The following POLA1 variants were observed in gnomAD, a reference collection of about 807,000 sequenced individuals.
POLA1 encodes DNA polymerase alpha 1, catalytic subunit.
POLA1 carries 15 observed loss-of-function variants against 124.0 expected under a neutral mutation model. The ratio of observed to expected loss-of-function variants is 0.12; its 90% CI spans 0.08 to 0.19. POLA1 has a LOEUF of 0.19. Among genes scored for constraint, POLA1 ranks in the 10% least tolerant of loss-of-function variants. The pLI, the probability that POLA1 is intolerant of heterozygous loss-of-function variation, is 1.00. For synonymous variants in POLA1, 408 were observed against 389.4 expected (o/e 1.05, Z -0.56); for missense variants, 886 against 1,103.4 (o/e 0.80, Z 2.79).
chrX:24,845,798 A>C (rs1213390214), intron 34 of POLA1, among the ~76,000 whole-genome samples: 1 of 112,317 alleles, frequency 8.9e-6, no homozygotes, highest in African/African-American at 3.2e-5. Context: ...AACTTAAAAA[A>C]TACTACCCAC....
rs762888939 is a variant in POLA1, at chrX:24,694,843, C to T, written c.43+839C>T. Among the ~76,000 whole-genome samples the T allele has an allele frequency of 3.6e-5, 4 of 112,358 alleles. No individual in the cohort carries two copies. In the East Asian group the frequency reaches 1.1e-3, roughly 31 times the overall value. Reference sequence around the variant, plus strand: ...AGATACATCACCATTAATGAGAACTCGCTTCCTAATCAGCTTCCTTTGCAT... The same window carrying T: ...AGATACATCACCATTAATGAGAACTTGCTTCCTAATCAGCTTCCTTTGCAT... On this transcript the variant is annotated intron_variant, in intron 1 of 36. Coordinates refer to ENST00000379068, the MANE Select transcript of POLA1 (RefSeq NM_001330360.2).
chrX:24,731,628 G>A, intron 15 of POLA1, among the ~76,000 whole-genome samples: 1 of 111,296 alleles, frequency 9.0e-6, no homozygotes, highest in East Asian at 2.8e-4. Context: ...GGGGGTCTGG[G>A]AATGGTAATA....
At chrX:24,840,720 GATTTCC>G (rs1418928198) in intron 32 of POLA1, among the ~76,000 whole-genome samples, 2 of 111,979 alleles carry the variant, frequency 1.8e-5, no homozygotes, top group African/African-American at 3.2e-5. Flanking sequence ...TTTTCTCTTA[GATTTCC>G]AAAAGCTTTT....
At chrX:24,732,662 T>C (rs184643924) in intron 16 of POLA1, among the ~76,000 whole-genome samples, 6 of 101,478 alleles carry the variant, frequency 5.9e-5, no homozygotes, top group South Asian at 9.6e-4. Flanking sequence ...ATTCAGCTGG[T>C]TCATTTTTTT....
intron 11 of POLA1, among the ~76,000 whole-genome samples, chrX:24,724,100 T>C (rs1930383268): frequency 8.9e-6 from 1 of 112,802 alleles, no homozygotes; most frequent in Non-Finnish European, 1.9e-5. Context: ...TTTTGTAGAC[T>C]TGATCATCTT....
Position 24,962,156 on chromosome X carries a change from G to T in POLA1, c.4261+31607G>T, listed in dbSNP as rs1410168998. 4.5e-5 allele frequency among the ~76,000 whole-genome samples: 5 copies of T among 111,404 alleles called. No homozygotes were observed. The Admixed American group carries it at 4.8e-4, about 11-fold the overall frequency. ...ATTACCATTTCACAAAGAGGAAAAG[G>T]AAATGTTAAAGAGGATAGGTGATGT... On this transcript the variant is annotated intron_variant, in intron 36 of 36. Coordinates refer to ENST00000379068, the MANE Select transcript of POLA1 (RefSeq NM_001330360.2).
At chrX:24,902,145 G>A (rs1226268468) in intron 35 of POLA1, among the ~76,000 whole-genome samples, 1 of 112,084 alleles carries the variant, frequency 8.9e-6, no homozygotes, top group Non-Finnish European at 1.9e-5. Flanking sequence ...GTGGTGGGAA[G>A]TAATTAACAA....
At chrX:24,726,371 T>C (rs1348111012) in intron 13 of POLA1, among the ~76,000 whole-genome samples, 4 of 112,031 alleles carry the variant, frequency 3.6e-5, no homozygotes, top group Admixed American at 9.5e-5. Flanking sequence ...GTGTCCCTTA[T>C]GAGCAGTGGA....
Position 24,968,101 on chromosome X carries a change from C to T in POLA1, c.4262-27704C>T, listed in dbSNP as rs1237433851. On this transcript the variant is annotated intron_variant, in intron 36 of 36. Coordinates refer to ENST00000379068, the MANE Select transcript of POLA1 (RefSeq NM_001330360.2). ...CAAAAATCTAACTATTCAGAAAGTA[C>T]CAACTAGAAATTTTCAGTGTACCAT... is the stretch of plus-strand genomic sequence containing the variant. 4.5e-5 allele frequency among the ~76,000 whole-genome samples: 5 copies of T among 111,725 alleles called. No individual in the cohort carries two copies. In the Admixed American group the frequency reaches 4.7e-4, roughly 11 times the overall value.
intron 35 of POLA1, among the ~76,000 whole-genome samples, chrX:24,917,044 C>T (rs1487228256): frequency 1.8e-5 from 2 of 112,025 alleles, no homozygotes; most frequent in Non-Finnish European, 3.8e-5. Context: ...TGGCTCACGC[C>T]TATAATCCCA....
chrX:24,828,391 T>C (rs767776677), intron 32 of POLA1, among the ~76,000 whole-genome samples: 25 of 112,178 alleles, frequency 2.2e-4, no homozygotes, highest in African/African-American at 7.1e-4. Flanking sequence ...TAGCCGGCTG[T>C]GATTCCAAAG....
chrX:24,941,399 G>T (rs1301047506), intron 36 of POLA1, among the ~76,000 whole-genome samples: 1 of 111,408 alleles, frequency 9.0e-6, no homozygotes, highest in Non-Finnish European at 1.9e-5. Context: ...ATGTGAATTG[G>T]CATATGTCAT....
chrX:24,750,513 A>G (rs1314253241), intron 26 of POLA1, among the ~76,000 whole-genome samples: 1 of 112,547 alleles, frequency 8.9e-6, no homozygotes, highest in Non-Finnish European at 1.9e-5. Context: ...AATAAACGTC[A>G]GGATGTTCAG....
intron 35 of POLA1, among the ~76,000 whole-genome samples, chrX:24,907,126 G>A (rs1224368615): frequency 9.0e-6 from 1 of 111,224 alleles, no homozygotes; most frequent in Non-Finnish European, 1.9e-5. Context: ...AGGAGTCGGC[G>A]GTTGCAGTGA....
At chrX:24,838,218 G>A (rs1434407364) in intron 32 of POLA1, among the ~76,000 whole-genome samples, 1 of 111,534 alleles carries the variant, frequency 9.0e-6, no homozygotes, top group Non-Finnish European at 1.9e-5. Context: ...AAACATGAGA[G>A]TTTTGATCCT....
At chrX:24,861,696 G>C (rs1423923958) in intron 34 of POLA1, among the ~76,000 whole-genome samples, 1 of 111,980 alleles carries the variant, frequency 8.9e-6, no homozygotes, top group African/African-American at 3.2e-5. Context: ...GTATATTTCA[G>C]AAATTTAGGG....
intron 32 of POLA1, among the ~76,000 whole-genome samples, chrX:24,832,751 T>C (rs749926295): frequency 6.3e-5 from 7 of 111,919 alleles, no homozygotes; most frequent in Non-Finnish European, 1.1e-4. Context: ...TACACTGTAT[T>C]ATATATGTGT....
At chrX:24,845,559 T>C (rs1175123569) in intron 34 of POLA1, among the ~76,000 whole-genome samples, 1 of 112,036 alleles carries the variant, frequency 8.9e-6, no homozygotes, top group East Asian at 2.8e-4. Flanking sequence ...ACTTTATTGG[T>C]AGACCATCCT....
rs757861328 is a variant in POLA1, at chrX:24,715,180, A to C, written c.502A>C (p.Ile168Leu). The change falls in exon 6 of 37, where the codon ATT becomes CTT. Residue 168 changes from isoleucine to leucine, a missense_variant. By Grantham distance (5) the Ile-to-Leu change is conservative. Coordinates refer to ENST00000379068, the MANE Select transcript of POLA1 (RefSeq NM_001330360.2). ...DLSKDGLLGD[I>L]LQDLNTETPQ... is the part of the protein sequence containing the mutation. ...GTCCAAGGATGGTCTGCTAGGTGAC[A>C]TTCTACAGGATCTTAACACTGAGGT... 8 of 1,166,588 alleles carry C rather than the reference A, an allele frequency of 6.9e-6. No homozygotes were observed. The highest frequency in any genetic ancestry group is 4.7e-6 in the Non-Finnish European group (4 of 855,450).
Sources: gnomAD v4.1 joint callset for allele counts (sites outside exome capture counted in the v4.1 genomes callset) on GRCh38, gnomAD v4.1.1 for gene constraint, MANE v1.5 for transcripts, NCBI Gene and HGNC (gene_info 2026-07-23, HGNC 2026-07-21) for gene names.